Variants in SCFD2 observed in about 807,000 individuals in gnomAD.
SCFD2 encodes the protein sec1 family domain-containing protein 2.
Under a neutral mutation model 58.9 loss-of-function variants are expected in SCFD2, and 54 were observed. That is an observed-to-expected ratio of 0.92 (90% CI 0.74 to 1.15). The LOEUF (loss-of-function observed/expected upper bound fraction) is 1.15. Ranked by LOEUF, SCFD2 falls within the 50% of genes most tolerant of loss-of-function variation. The probability of loss-of-function intolerance (pLI) is 0.00; values close to 1 mark genes in which losing one functional copy is unlikely to be tolerated. For synonymous variants in SCFD2, 321 were observed against 335.9 expected (o/e 0.96, Z 0.49); for missense variants, 805 against 836.6 (o/e 0.96, Z 0.47).
At chr4:52,923,522 G>T (rs1419849519) in intron 5 of SCFD2, among the ~76,000 whole-genome samples, 1 of 128,622 alleles carries the variant, frequency 7.8e-6, no homozygotes. Context: ...ATAAATGTGT[G>T]GTCAAGCTCA....
At chr4:53,252,758 A>T (rs1034509607) in intron 4 of SCFD2, among the ~76,000 whole-genome samples, 2 of 152,184 alleles carry the variant, frequency 1.3e-5, no homozygotes, top group Non-Finnish European at 2.9e-5. Context: ...TAAAGACTTA[A>T]ACATTAGACC....
At chr4:53,360,290 C>T (rs1734514720) in intron 1 of SCFD2, among the ~76,000 whole-genome samples, 1 of 152,192 alleles carries the variant, frequency 6.6e-6, no homozygotes, top group Non-Finnish European at 1.5e-5. Flanking sequence ...ATTAAAAAGA[C>T]ATCAATTTAT....
chr4:53,236,851 T>C (rs1043491661), intron 4 of SCFD2, among the ~76,000 whole-genome samples: 1 of 148,090 alleles, frequency 6.8e-6, no homozygotes, highest in Non-Finnish European at 1.5e-5. Flanking sequence ...TTTATTTATT[T>C]ATTTTTTATT....
chr4:53,074,268 A>T (rs1227935221), intron 5 of SCFD2, among the ~76,000 whole-genome samples: 2 of 152,164 alleles, frequency 1.3e-5, no homozygotes, highest in Non-Finnish European at 2.9e-5. Context: ...TGGAATTTTA[A>T]CAATTCAGTC....
intron 5 of SCFD2, among the ~76,000 whole-genome samples, chr4:53,032,725 G>C (rs1446169499): frequency 6.6e-6 from 1 of 152,010 alleles, no homozygotes; most frequent in Non-Finnish European, 1.5e-5. Context: ...GACAAAGAAG[G>C]GTATTACATA....
intron 5 of SCFD2, among the ~76,000 whole-genome samples, chr4:53,053,355 T>C (rs1193907676): frequency 2.0e-5 from 3 of 152,074 alleles, no homozygotes; most frequent in Non-Finnish European, 2.9e-5. Context: ...ATGCACTGGG[T>C]CCAGACATAT....
In SCFD2 at chr4:53,313,633, T is replaced by C; in HGVS notation, c.1135+3A>G. The stretch of plus-strand genomic sequence containing the variant: ...GCTGCCTGTGTCCTAGGTTTAGGCT[T>C]ACCCATACTCATCTTGATTGGCAGG... On this transcript the variant is annotated splice_donor_region_variant and intron_variant, in intron 3 of 8. Transcript: ENST00000401642. The C allele has an allele frequency of 6.2e-7, 1 of 1,613,918 alleles. No individual in the cohort carries two copies. The highest frequency in any genetic ancestry group is 8.5e-7 in the Non-Finnish European group (1 of 1,179,830).
chr4:53,291,086 A>G (rs1367325778), intron 3 of SCFD2, among the ~76,000 whole-genome samples: 1 of 152,170 alleles, frequency 6.6e-6, no homozygotes, highest in Admixed American at 6.5e-5. Context: ...ATACTTCCCA[A>G]CATATTTTAT....
At chr4:53,183,737 A>T (rs1727655859) in intron 4 of SCFD2, among the ~76,000 whole-genome samples, 1 of 152,140 alleles carries the variant, frequency 6.6e-6, no homozygotes, top group Non-Finnish European at 1.5e-5. Context: ...TGGAACCCTT[A>T]TGAAATCTTC....
At chr4:52,974,246 G>A (rs940779166) in intron 5 of SCFD2, among the ~76,000 whole-genome samples, 2 of 152,184 alleles carry the variant, frequency 1.3e-5, no homozygotes, top group African/African-American at 4.8e-5. Context: ...GTTTGCAGAT[G>A]ACATGATTGT....
chr4:52,984,769 C>T (rs1425726183), intron 5 of SCFD2, among the ~76,000 whole-genome samples: 1 of 152,210 alleles, frequency 6.6e-6, no homozygotes, highest in Non-Finnish European at 1.5e-5. Context: ...TGTTTAACCT[C>T]AGGTTCCAAG....
chr4:52,894,771 T>C (rs905720588), intron 7 of SCFD2, among the ~76,000 whole-genome samples: 1 of 152,174 alleles, frequency 6.6e-6, no homozygotes, highest in African/African-American at 2.4e-5. Flanking sequence ...CTTCAAACAC[T>C]TTCTCAGAAC....
intron 4 of SCFD2, among the ~76,000 whole-genome samples, chr4:53,188,138 T>C (rs188053450): frequency 6.6e-6 from 1 of 152,176 alleles, no homozygotes; most frequent in East Asian, 1.9e-4. Context: ...GACAAATAAC[T>C]AAGCAGTACT....
At chr4:53,200,843 G>C (rs981428477) in intron 4 of SCFD2, among the ~76,000 whole-genome samples, 4 of 151,618 alleles carry the variant, frequency 2.6e-5, no homozygotes, top group African/African-American at 9.7e-5. Flanking sequence ...AATGGATTCA[G>C]TTCAGTCATT....
intron 4 of SCFD2, among the ~76,000 whole-genome samples, chr4:53,241,008 A>C (rs1729875229): frequency 6.6e-6 from 1 of 152,234 alleles, no homozygotes; most frequent in South Asian, 2.1e-4. Flanking sequence ...TGGAAGACAC[A>C]GATACTAGAC....
intron 6 of SCFD2, among the ~76,000 whole-genome samples, chr4:52,916,734 T>A (rs1212690360): frequency 6.6e-6 from 1 of 152,176 alleles, no homozygotes; most frequent in Non-Finnish European, 1.5e-5. Context: ...GACACTCAGC[T>A]TTTGAAAGAC....
intron 5 of SCFD2, among the ~76,000 whole-genome samples, chr4:53,000,608 A>C (rs1721841846): frequency 6.6e-6 from 1 of 152,202 alleles, no homozygotes; most frequent in Non-Finnish European, 1.5e-5. Flanking sequence ...TTCCCAGGCC[A>C]TAGCGCCAAG....
At chr4:53,099,982 T>C (rs1281583614) in intron 5 of SCFD2, among the ~76,000 whole-genome samples, 1 of 152,014 alleles carries the variant, frequency 6.6e-6, no homozygotes, top group Admixed American at 6.6e-5. Context: ...AAGGAAAATA[T>C]GAACAAAAAA....
chr4:52,972,022 A>G (rs1394168178), intron 5 of SCFD2, among the ~76,000 whole-genome samples: 6 of 152,232 alleles, frequency 3.9e-5, no homozygotes, highest in Non-Finnish European at 8.8e-5. Context: ...GGAAGCACTG[A>G]ACATGGAAAG....
Sources: allele counts gnomAD v4.1 joint callset (sites outside exome capture counted in the v4.1 genomes callset), GRCh38; gene constraint gnomAD v4.1.1; transcripts MANE v1.5; gene names NCBI Gene and HGNC (gene_info 2026-07-23, HGNC 2026-07-21).